Variants in DOCK3 observed in about 807,000 individuals in gnomAD.
DOCK3 encodes the protein dedicator of cytokinesis 3.
DOCK3 carries 60 observed loss-of-function variants against 265.6 expected under a neutral mutation model. The observed-to-expected ratio is 0.23, with a 90% CI of 0.18 to 0.28. The LOEUF is 0.28. Ranked by LOEUF, DOCK3 falls within the 10% of genes least tolerant of loss-of-function variation. DOCK3 has a pLI of 1.00. For synonymous variants in DOCK3, 881 were observed against 938.0 expected (o/e 0.94, Z 1.11); for missense variants, 1,981 against 2,594.3 (o/e 0.76, Z 5.14).
chr3:50,977,803 T>TTTCACATAGTCCCATATTTCTTGG (rs1335969270), intron 5 of DOCK3, among the ~76,000 whole-genome samples: 7 of 151,998 alleles, frequency 4.6e-5, no homozygotes, highest in Admixed American at 4.6e-4. Context: ...GATTTGGTCT[T>TTTCACATAGTCCCATATTTCTTGG]TTCACATAGT....
intron 9 of DOCK3, among the ~76,000 whole-genome samples, chr3:51,126,752 T>G (rs1157158481): frequency 6.6e-6 from 1 of 152,186 alleles, no homozygotes; most frequent in Non-Finnish European, 1.5e-5. Flanking sequence ...TTAATTTTCA[T>G]AAGTACGTGA....
At chr3:50,841,902 C>T (rs955024392) in intron 3 of DOCK3, among the ~76,000 whole-genome samples, 187 bp downstream of exon 3, 1 of 151,496 alleles carries the variant, frequency 6.6e-6, no homozygotes, top group East Asian at 1.9e-4. Flanking sequence ...TCTGAAAGGA[C>T]AGGAAATGCA....
Position 51,357,770 on chromosome 3 carries a change from A to G in DOCK3, c.4696A>G (p.Lys1566Glu), listed in dbSNP as rs774253366. ...TTTCCTTTCACAGGCCTTCTTTGAT[A>G]AAGATTACATCAACAAGCACCCAGG... ...IARYQEAFFD[K>E]DYINKHPGDA... The change falls in exon 45 of 53, where the codon AAA becomes GAA. Residue 1566 changes from lysine (K) to glutamate (E), a missense_variant. By Grantham distance (56) the Lys-to-Glu change is moderately conservative. Around this residue, in one of 4 missense-constraint regions of DOCK3, gnomAD observed 1,357 missense variants for 1,866.8 expected, o/e 0.73. Coordinates refer to ENST00000266037, the MANE Select transcript of DOCK3 (RefSeq NM_004947.5). 5 of 1,614,000 alleles carry G rather than the reference A, an allele frequency of 3.1e-6. No homozygotes were observed. The highest frequency in any genetic ancestry group is 4.2e-6 in the Non-Finnish European group (5 of 1,179,862).
chr3:50,691,938 CAG>C, intron 1 of DOCK3, among the ~76,000 whole-genome samples: 1 of 138,872 alleles, frequency 7.2e-6, no homozygotes, highest in East Asian at 2.1e-4. Context: ...TTTTTTGAGA[CAG>C]AGTCTTGCTC....
rs553471505 is a variant in DOCK3, at chr3:50,954,573, G to A, written c.315+20496G>A. On this transcript the variant is annotated intron_variant, in intron 5 of 52. Transcript: ENST00000266037. The stretch of plus-strand genomic sequence containing the variant: ...AAGTACCCAATATAGTGACTGGCCC[G>A]AGGAGAACAATTAAGGGTAAAAGTT... Among the ~76,000 whole-genome samples the A allele has an allele frequency of 1.2e-4, 18 of 152,170 alleles. 1 individual carries two copies. The South Asian group carries it at 3.3e-3, about 28-fold the overall frequency.
chr3:51,245,792 G>A (rs981613294), intron 21 of DOCK3, among the ~76,000 whole-genome samples: 3 of 152,160 alleles, frequency 2.0e-5, no homozygotes, highest in Non-Finnish European at 2.9e-5. Context: ...CTGATACTTT[G>A]ATGTCACTTT....
chr3:50,948,335 G>A (rs1168553676), intron 5 of DOCK3, among the ~76,000 whole-genome samples: 3 of 150,224 alleles, frequency 2.0e-5, no homozygotes, highest in Non-Finnish European at 4.4e-5. Context: ...GATTACAGGC[G>A]TGAGCCACCG....
intron 47 of DOCK3, 102 bp downstream of exon 47, chr3:51,360,734 C>T (rs957630903): frequency 6.7e-7 from 1 of 1,481,496 alleles, no homozygotes; most frequent in African/African-American, 1.4e-5. Context: ...TCCCTCTTAC[C>T]CATGCACACA....
chr3:50,997,853 TAG>T (rs2078338261), intron 5 of DOCK3, among the ~76,000 whole-genome samples: 1 of 152,160 alleles, frequency 6.6e-6, no homozygotes, highest in Non-Finnish European at 1.5e-5. Context: ...AAGAGAAAAT[TAG>T]ATGACTAAAA....
chr3:50,685,808 TG>T, intron 1 of DOCK3: 1 of 183,674 alleles, frequency 5.4e-6, no homozygotes, highest in Middle Eastern at 5.6e-4. Context: ...TAGAACATGG[TG>T]GGGTTGACGG....
At chr3:51,150,908 C>T (rs564914884) in intron 10 of DOCK3, among the ~76,000 whole-genome samples, 1 of 152,112 alleles carries the variant, frequency 6.6e-6, no homozygotes, top group Non-Finnish European at 1.5e-5. Context: ...CCTTCTGTCT[C>T]GTTGATCTGT....
At chr3:50,868,783 AT>A (rs1246465107) in intron 3 of DOCK3, among the ~76,000 whole-genome samples, 1 of 151,182 alleles carries the variant, frequency 6.6e-6, no homozygotes, top group East Asian at 1.9e-4. Context: ...TTTCTTCTAG[AT>A]TTCCCAATTT....
chr3:50,807,797 G>A lies in DOCK3; in HGVS notation c.121+29039G>A, dbSNP rs114297667. On this transcript the variant is annotated intron_variant, in intron 2 of 52. Transcript: ENST00000266037. Reference sequence around the variant, plus strand: ...AAAGTCTTGCTCTGTTGCCCAGGCCGGAGTGCAGTGACACAATCACAGCTC... The same window carrying A: ...AAAGTCTTGCTCTGTTGCCCAGGCCAGAGTGCAGTGACACAATCACAGCTC... 7.9e-3 allele frequency among the ~76,000 whole-genome samples: 1,198 copies of A among 152,248 alleles called. 10 individuals are homozygous for A. The highest frequency in any genetic ancestry group is 0.013 in the South Asian group (62 of 4,822).
At chr3:50,841,341 GA>G in intron 2 of DOCK3, among the ~76,000 whole-genome samples, 1 of 152,264 alleles carries the variant, frequency 6.6e-6, no homozygotes, top group South Asian at 2.1e-4. Context: ...TATCTGCCAT[GA>G]AAAAAGTGAT....
At chr3:50,939,626 A>G (rs1575577785) in intron 5 of DOCK3, among the ~76,000 whole-genome samples, 1 of 152,158 alleles carries the variant, frequency 6.6e-6, no homozygotes, top group South Asian at 2.1e-4. Flanking sequence ...AAGAAGAAAA[A>G]CCACTTGATG....
chr3:50,694,007 G>A (rs1236343472), intron 1 of DOCK3, among the ~76,000 whole-genome samples: 8 of 151,804 alleles, frequency 5.3e-5, no homozygotes, highest in Non-Finnish European at 1.0e-4. Context: ...GGTGGCTCAC[G>A]CCTGTAATCC....
intron 21 of DOCK3, among the ~76,000 whole-genome samples, chr3:51,241,037 TTG>T (rs1466506390): frequency 1.3e-5 from 2 of 152,232 alleles, no homozygotes; most frequent in Admixed American, 6.5e-5. Context: ...GTCTGTGTAC[TTG>T]TGTGTTTTTG....
chr3:51,005,820 A>G (rs1360150138), intron 5 of DOCK3, among the ~76,000 whole-genome samples: 2 of 151,968 alleles, frequency 1.3e-5, no homozygotes, highest in African/African-American at 4.8e-5. Flanking sequence ...TCCCCCAACT[A>G]ACATCCAGAG....
chr3:50,690,613 ATTCG>A (rs749757846), intron 1 of DOCK3, among the ~76,000 whole-genome samples: 8 of 150,908 alleles, frequency 5.3e-5, no homozygotes, highest in South Asian at 2.1e-4. Flanking sequence ...ACATTCATTC[ATTCG>A]TTCGTTCGTT....
Sources: gnomAD v4.1 joint callset for allele counts (sites outside exome capture counted in the v4.1 genomes callset) on GRCh38, gnomAD v4.1.1 for gene constraint, gnomAD v4.1.1 regional missense constraint, MANE v1.5 for transcripts, NCBI Gene and HGNC (gene_info 2026-07-23, HGNC 2026-07-21) for gene names.